Variants in CAPZA2 observed in about 807,000 individuals in gnomAD.
CAPZA2 encodes capping actin protein of muscle Z-line subunit alpha 2, also known as F-actin-capping protein subunit alpha-2.
CAPZA2 carries 13 observed loss-of-function variants against 44.0 expected under a neutral mutation model. That is an observed-to-expected ratio of 0.30 (90% CI 0.19 to 0.47). The LOEUF (loss-of-function observed/expected upper bound fraction) is 0.47. CAPZA2 is among the 20% of genes least tolerant of loss of function. The pLI is 1.00. For synonymous variants in CAPZA2, 94 were observed against 108.2 expected, an observed-to-expected ratio of 0.87 and a Z score of 0.81; for missense variants, 244 against 338.6, an observed-to-expected ratio of 0.72 and a Z score of 2.19.
intron 3 of CAPZA2, among the ~76,000 whole-genome samples, chr7:116,898,015 C>T (rs1314595240): frequency 6.6e-6 from 1 of 152,146 alleles, no homozygotes; most frequent in East Asian, 1.9e-4. Context: ...CCTTTCAGTT[C>T]ATTTCAGTAA....
At chr7:116,916,379 C>T (rs1791679215) in intron 9 of CAPZA2, among the ~76,000 whole-genome samples, 1 of 152,230 alleles carries the variant, frequency 6.6e-6, no homozygotes, top group Admixed American at 6.5e-5. Context: ...GTAATCCCAA[C>T]ACTGGGAAGC....
At chr7:116,900,171 CTT>C (rs1227959164) in intron 4 of CAPZA2, among the ~76,000 whole-genome samples, 3 of 151,644 alleles carry the variant, frequency 2.0e-5, no homozygotes, top group Non-Finnish European at 4.4e-5. Context: ...ATATGAAACA[CTT>C]TAACAAAAAT....
At chr7:116,910,829 C>T (rs917008062) in intron 7 of CAPZA2, among the ~76,000 whole-genome samples, 1 of 151,648 alleles carries the variant, frequency 6.6e-6, no homozygotes, top group Non-Finnish European at 1.5e-5. Flanking sequence ...CACAGTGAAA[C>T]CCCATCTCTA....
chr7:116,890,569 CACATATAT>C lies in CAPZA2; in HGVS notation c.103+2381_103+2388del, dbSNP rs1156700885. The stretch of plus-strand genomic sequence containing the variant: ...ATATATATATATATATATATATATA[CACATATAT>C]ATATATATATATATATATATACACA... On this transcript the variant is annotated intron_variant, in intron 2 of 9. Coordinates refer to ENST00000361183, the MANE Select transcript of CAPZA2 (RefSeq NM_006136.3). Among the ~76,000 whole-genome samples the C allele has an allele frequency of 3.7e-4, 10 of 26,962 alleles. No homozygotes were observed. The East Asian group carries it at 9.1e-3, about 25-fold the overall frequency. The allele number at this position is 26,962 out of a possible 152,430, so 17.7% of individuals were successfully genotyped here. A position where few individuals can be genotyped will look rare whatever the true frequency, so the allele number is the denominator to read the frequency against.
chr7:116,906,024 A>G (rs956403306), intron 5 of CAPZA2, among the ~76,000 whole-genome samples: 10 of 152,354 alleles, frequency 6.6e-5, no homozygotes, highest in Non-Finnish European at 1.0e-4. Context: ...TCAGAGTACA[A>G]TTAATTTTAA....
At chr7:116,894,559 A>T (rs1477584934) in intron 3 of CAPZA2, among the ~76,000 whole-genome samples, 1 of 152,186 alleles carries the variant, frequency 6.6e-6, no homozygotes, top group Non-Finnish European at 1.5e-5. Flanking sequence ...CACATAAAAC[A>T]TACTATTTTA....
chr7:116,888,226 T>C, intron 2 of CAPZA2, 36 bp downstream of exon 2: 1 of 1,405,486 alleles, frequency 7.1e-7, no homozygotes, highest in Non-Finnish European at 9.9e-7. Flanking sequence ...GCTTGATATA[T>C]CAAGCCCTCT....
chr7:116,895,697 G>T (rs1405640546), intron 3 of CAPZA2, among the ~76,000 whole-genome samples: 1 of 151,678 alleles, frequency 6.6e-6, no homozygotes, highest in Admixed American at 6.6e-5. Flanking sequence ...TAGTTTGATT[G>T]ACTTCAGTAG....
chr7:116,914,026 T>G (rs1015642813), intron 8 of CAPZA2, among the ~76,000 whole-genome samples: 59 of 93,558 alleles, frequency 6.3e-4, no homozygotes, highest in Middle Eastern at 0.011. Flanking sequence ...TTAAAGAAAA[T>G]TTTTTTTTTT....
chr7:116,869,757 C>T (rs1796526893), intron 1 of CAPZA2, among the ~76,000 whole-genome samples: 2 of 152,244 alleles, frequency 1.3e-5, no homozygotes, highest in South Asian at 4.1e-4. Context: ...GAGAGCCCTG[C>T]TCAGGGAAGT....
intron 2 of CAPZA2, among the ~76,000 whole-genome samples, chr7:116,889,560 C>G (rs1796804529): frequency 1.4e-5 from 2 of 147,954 alleles, no homozygotes; most frequent in Admixed American, 6.8e-5. Context: ...CCCTCCCCAT[C>G]TCTACCAAAA....
At chr7:116,890,836 G>T (rs1585007993) in intron 2 of CAPZA2, among the ~76,000 whole-genome samples, 1 of 140,142 alleles carries the variant, frequency 7.1e-6, no homozygotes, top group East Asian at 2.2e-4. Context: ...AGGTAAATAT[G>T]ATATGAATGT....
At chr7:116,878,040 A>T (rs527666105) in intron 1 of CAPZA2, among the ~76,000 whole-genome samples, 1 of 152,330 alleles carries the variant, frequency 6.6e-6, no homozygotes, top group East Asian at 1.9e-4. Context: ...GTGCGGAATG[A>T]TTTCTAAGTA....
chr7:116,915,932 T>C (rs1791673322), intron 8 of CAPZA2, 128 bp from the exon 9 acceptor site: 1 of 626,390 alleles, frequency 1.6e-6, no homozygotes, highest in South Asian at 2.6e-5. Context: ...GATCTTACAA[T>C]ATTTATTCTA....
intron 1 of CAPZA2, among the ~76,000 whole-genome samples, chr7:116,884,296 A>G (rs1389293851): frequency 6.6e-6 from 1 of 152,198 alleles, no homozygotes; most frequent in Non-Finnish European, 1.5e-5. Flanking sequence ...GACTTTTAGC[A>G]CATGTATAGA....
intron 1 of CAPZA2, among the ~76,000 whole-genome samples, chr7:116,877,298 T>C (rs1355313533): frequency 6.6e-6 from 1 of 152,258 alleles, no homozygotes; most frequent in Non-Finnish European, 1.5e-5. Context: ...TTTTCCTTTC[T>C]GTATGACCTT....
intron 1 of CAPZA2, among the ~76,000 whole-genome samples, chr7:116,868,424 T>C (rs561646527): frequency 8.5e-5 from 13 of 152,172 alleles, no homozygotes; most frequent in Non-Finnish European, 1.8e-4. Context: ...TTCATAATAT[T>C]AATGTAAAAT....
intron 2 of CAPZA2, among the ~76,000 whole-genome samples, chr7:116,889,942 T>C (rs991108313): frequency 6.6e-6 from 1 of 152,220 alleles, no homozygotes. Context: ...TTCTGTAACC[T>C]ACATATACAT....
At chr7:116,866,373 G>A (rs1265631993) in intron 1 of CAPZA2, among the ~76,000 whole-genome samples, 3 of 151,832 alleles carry the variant, frequency 2.0e-5, no homozygotes, top group East Asian at 1.9e-4. Context: ...GGGTTTCACC[G>A]TGTTAGCCAG....
Sources: allele counts gnomAD v4.1 joint callset (sites outside exome capture counted in the v4.1 genomes callset), GRCh38; gene constraint gnomAD v4.1.1; transcripts MANE v1.5; gene names NCBI Gene and HGNC (gene_info 2026-07-23, HGNC 2026-07-21).